The following TTLL9 variants were observed in gnomAD, a reference collection of about 807,000 sequenced individuals.
The protein encoded by TTLL9 is tubulin tyrosine ligase like 9, also known as probable tubulin polyglutamylase TTLL9.
TTLL9 carries 47 observed loss-of-function variants against 65.6 expected under a neutral mutation model. That is an observed-to-expected ratio of 0.72 (90% CI 0.57 to 0.91). TTLL9 has a LOEUF of 0.91. Among genes scored for constraint, TTLL9 ranks in the 40% least tolerant of loss-of-function variants. TTLL9 has a pLI of 0.00. For synonymous variants in TTLL9, 179 were observed against 204.8 expected (o/e 0.87, Z 1.07); for missense variants, 537 against 568.8 (o/e 0.94, Z 0.57).
chr20:31,931,096 T>TC (rs1242118529), intron 10 of TTLL9, among the ~76,000 whole-genome samples: 20 of 148,700 alleles, frequency 1.3e-4, no homozygotes, highest in South Asian at 8.5e-4. Context: ...TTTTTTTTTT[T>TC]CAAGACAGAG....
At chr20:31,878,173 A>T (rs1332850657) in intron 2 of TTLL9, among the ~76,000 whole-genome samples, 1 of 152,248 alleles carries the variant, frequency 6.6e-6, no homozygotes, top group African/African-American at 2.4e-5. Flanking sequence ...ATAGAAATTC[A>T]ATATACAGTG....
At chr20:31,878,005 G>A (rs1182039746) in intron 2 of TTLL9, among the ~76,000 whole-genome samples, 3 of 152,144 alleles carry the variant, frequency 2.0e-5, no homozygotes, top group African/African-American at 4.8e-5. Flanking sequence ...CCTTTCTGCT[G>A]TATTTTTAGA....
intron 2 of TTLL9, chr20:31,879,680 C>T (rs1052962105): frequency 5.4e-6 from 4 of 737,732 alleles, no homozygotes; most frequent in African/African-American, 5.4e-5. Flanking sequence ...TTGAGGAAGT[C>T]GGGGGACCTA....
chr20:31,924,662 C>T (rs2063867696), intron 8 of TTLL9, among the ~76,000 whole-genome samples: 1 of 152,174 alleles, frequency 6.6e-6, no homozygotes, highest in East Asian at 1.9e-4. Context: ...ATAGCTCATG[C>T]AGCCTCCATC....
chr20:31,939,209 G>C lies in TTLL9; in HGVS notation c.1186G>C (p.Glu396Gln). Reference sequence around the variant, plus strand: ...GTGGAATGATGGCCCTGTTAGCAGAGAGGAGGGGGCTCCTGACCTGTCGGG... The same window carrying C: ...GTGGAATGATGGCCCTGTTAGCAGACAGGAGGGGGCTCCTGACCTGTCGGG... ...LMWNDGPVSR[E>Q]EGAPDLSGMG... The change falls in exon 14 of 15, where the codon GAG becomes CAG. Residue 396 changes from glutamate (E) to glutamine (Q), a missense_variant. This residue lies in a region of TTLL9 where 205 missense variants were observed against 225.9 expected (regional missense o/e 0.91). Coordinates refer to ENST00000535842, the MANE Select transcript of TTLL9 (RefSeq NM_001008409.5). 6.2e-7 allele frequency: 1 copy of C among 1,613,350 alleles called. No homozygotes were observed. The highest frequency in any genetic ancestry group is 8.5e-7 in the Non-Finnish European group (1 of 1,179,676).
chr20:31,933,906 A>T (rs111824021), intron 11 of TTLL9, 48 bp downstream of exon 11: 1 of 1,568,598 alleles, frequency 6.4e-7, no homozygotes, highest in Non-Finnish European at 8.7e-7. Flanking sequence ...CTCTGGCGCC[A>T]GGTCGGGGTG....
chr20:31,873,737 A>AGAAAGAAAAAGG (rs1317833818), intron 2 of TTLL9, among the ~76,000 whole-genome samples: 1 of 133,608 alleles, frequency 7.5e-6, no homozygotes, highest in African/African-American at 2.8e-5. Context: ...AAAGAAAGAA[A>AGAAAGAAAAAGG]AAGGAAGGAA....
At chr20:31,891,587 A>C (rs2063308264) in intron 3 of TTLL9, among the ~76,000 whole-genome samples, 1 of 151,362 alleles carries the variant, frequency 6.6e-6, no homozygotes. Flanking sequence ...TGATCCTCCC[A>C]CCTTGGCCTC....
intron 3 of TTLL9, among the ~76,000 whole-genome samples, chr20:31,890,203 C>CTTTCTTTCTTTCTTTCTTTCTTTCTT (rs2063287875): frequency 1.6e-5 from 1 of 63,958 alleles, no homozygotes; most frequent in African/African-American, 6.3e-5. Context: ...CTTTCTTTCT[C>CTTTCTTTCTTTCTTTCTTTCTTTCTT]TTTCTTTCAT....
intron 4 of TTLL9, among the ~76,000 whole-genome samples, chr20:31,904,886 G>A (rs1345726747): frequency 6.6e-6 from 1 of 152,168 alleles, no homozygotes; most frequent in African/African-American, 2.4e-5. Context: ...GCCCAGAGAA[G>A]AGGGCAAGGT....
chr20:31,871,596 T>TA (rs1193203279), intron 2 of TTLL9, among the ~76,000 whole-genome samples: 1 of 152,154 alleles, frequency 6.6e-6, no homozygotes, highest in Admixed American at 6.5e-5. Flanking sequence ...CCCTTTGAAA[T>TA]ACAGTGATTG....
intron 12 of TTLL9, 77 bp from the exon 13 acceptor site, chr20:31,937,319 A>T: frequency 1.0e-6 from 1 of 973,062 alleles, no homozygotes. Flanking sequence ...CCATGCATCC[A>T]TCTAGCCTCT....
rs562806465 is a variant in TTLL9 at position 31,942,678 on chromosome 20, C to T, written c.1244-267C>T. On this transcript the variant is annotated intron_variant, in intron 14 of 14. Coordinates refer to ENST00000535842, the MANE Select transcript of TTLL9 (RefSeq NM_001008409.5). ...ATTCAGCATCTGGAGCAGTTCCTGG[C>T]TTGAGGTAAGCCCCCAGTCCTCATG... Among the ~76,000 whole-genome samples the T allele has an allele frequency of 6.6e-5, 10 of 152,310 alleles. No individual in the cohort carries two copies. In the South Asian group the frequency reaches 1.9e-3, roughly 28 times the overall value.
rs1029997450 is a variant in TTLL9, at chr20:31,943,786, A to G, written c.*765A>G. 6 of 456,596 alleles carry G rather than the reference A, an allele frequency of 1.3e-5. No individual in the cohort carries two copies. Among genetic ancestry groups the G allele is most frequent in the Non-Finnish European group, 2.6e-5 (6 of 226,990 alleles). 28.3% of individuals were successfully genotyped at this position (456,596 alleles called of 1,614,324 possible). A position where few individuals can be genotyped will look rare whatever the true frequency, so the allele number is the denominator to read the frequency against. On this transcript the variant is annotated 3_prime_UTR_variant, in exon 15 of 15. Coordinates refer to ENST00000535842, the MANE Select transcript of TTLL9 (RefSeq NM_001008409.5). Reference sequence around the variant, plus strand: ...TCTAGGCCTTGTGTTTGAGATTGGGAGCTGAGCCAGAAACCGGAAAACCCT... The same window carrying G: ...TCTAGGCCTTGTGTTTGAGATTGGGGGCTGAGCCAGAAACCGGAAAACCCT...
rs761098012 is a variant in TTLL9, at chr20:31,871,104, A to T, written c.-5-18A>T. ...ATCCATCCTCTCACTCCTTCCTTCC[A>T]TCCATTTCGGCCCCTAGGAGGGATG... On this transcript the variant is annotated intron_variant, in intron 1 of 14. Coordinates refer to ENST00000535842, the MANE Select transcript of TTLL9 (RefSeq NM_001008409.5). 4.3e-6 allele frequency: 7 copies of T among 1,611,532 alleles called. No homozygotes were observed. The South Asian group carries it at 7.7e-5, about 18-fold the overall frequency.
intron 3 of TTLL9, among the ~76,000 whole-genome samples, chr20:31,896,762 T>C (rs1257857919): frequency 6.6e-6 from 1 of 152,180 alleles, no homozygotes; most frequent in South Asian, 2.1e-4. Flanking sequence ...ACTCCTGACC[T>C]CAAGTAATCT....
At chr20:31,932,326 G>C (rs915179935) in intron 10 of TTLL9, among the ~76,000 whole-genome samples, 2 of 152,148 alleles carry the variant, frequency 1.3e-5, no homozygotes, top group East Asian at 3.9e-4. Flanking sequence ...ACAAAAACTA[G>C]CCGGGCATGA....
At chr20:31,895,425 T>C (rs1439461162) in intron 3 of TTLL9, among the ~76,000 whole-genome samples, 1 of 152,250 alleles carries the variant, frequency 6.6e-6, no homozygotes, top group Non-Finnish European at 1.5e-5. Flanking sequence ...TACTCTTGTC[T>C]CATGTGGGAA....
intron 8 of TTLL9, 102 bp from the exon 9 acceptor site, chr20:31,924,907 A>G (rs955331022): frequency 7.8e-7 from 1 of 1,285,790 alleles, no homozygotes; most frequent in East Asian, 2.5e-5. Context: ...AGCTTCATGA[A>G]GGCGGGGTTT....
Sources: gnomAD v4.1 joint callset for allele counts (sites outside exome capture counted in the v4.1 genomes callset) on GRCh38, gnomAD v4.1.1 for gene constraint, gnomAD v4.1.1 regional missense constraint, MANE v1.5 for transcripts, NCBI Gene and HGNC (gene_info 2026-07-23, HGNC 2026-07-21) for gene names.